The following SERPINB9 variants were observed in gnomAD, a reference collection of about 807,000 sequenced individuals.
SERPINB9 encodes serpin family B member 9, also known as serpin B9.
SERPINB9 carries 20 observed loss-of-function variants against 27.2 expected under a neutral mutation model. The ratio of observed to expected loss-of-function variants is 0.74; its 90% CI spans 0.52 to 1.07. The LOEUF is 1.07. Ranked by LOEUF, SERPINB9 falls within the 50% of genes least tolerant of loss-of-function variation. The probability of loss-of-function intolerance (pLI) is 0.00; values close to 1 mark genes in which losing one functional copy is unlikely to be tolerated. For missense variants in SERPINB9, 476 were observed against 460.1 expected (o/e 1.03, Z -0.32); for synonymous variants, 189 against 180.0 (o/e 1.05, Z -0.40).
At position 2,898,444 on chromosome 6, in the gene SERPINB9, G is replaced by A. The variant is rs77172708; in HGVS notation, c.168+2000C>T. Among the ~76,000 whole-genome samples, 56 of 152,246 alleles carry A rather than the reference G, an allele frequency of 3.7e-4. 2 individuals carry two copies. In the East Asian group the frequency reaches 0.01, roughly 28 times the overall value. The stretch of plus-strand genomic sequence containing the variant: ...CTTGCTTTACATGGACTGTCTCACC[G>A]AATCCTCACATTAGCTGAAAAATCA... On this transcript the variant is annotated intron_variant, in intron 2 of 6. Coordinates refer to ENST00000380698, the MANE Select transcript of SERPINB9 (RefSeq NM_004155.6).
intron 1 of SERPINB9, among the ~76,000 whole-genome samples, chr6:2,902,232 C>G (rs1384615178): frequency 6.6e-6 from 1 of 152,184 alleles, no homozygotes; most frequent in Non-Finnish European, 1.5e-5. Context: ...TCAAACACCG[C>G]GGCCCGGAGG....
chr6:2,893,049 A>C (rs1310099125), intron 5 of SERPINB9, among the ~76,000 whole-genome samples: 3 of 119,516 alleles, frequency 2.5e-5, no homozygotes, highest in South Asian at 2.5e-4. Context: ...ACACTACCTT[A>C]ACACTTTTTT....
Position 2,900,460 on chromosome 6 carries a change from G to A in SERPINB9, c.152C>T (p.Ala51Val). ...CAAGCTTACCTGGGCCATCTGGGTTGCGGTGTTTCCCTTTGCCCCTAGGAG... is the reference window on the plus strand; with the variant it reads ...CAAGCTTACCTGGGCCATCTGGGTTACGGTGTTTCCCTTTGCCCCTAGGAG... ...MVLLGAKGNT[A>V]TQMAQALSLN... The change falls in exon 2 of 7, where the codon GCA (alanine) becomes GTA (valine). Residue 51 changes from alanine (A) to valine (V), a missense_variant. Ala to Val is a moderately conservative substitution (Grantham distance 64). Transcript: ENST00000380698. 1 of 1,614,100 alleles carries A rather than the reference G, an allele frequency of 6.2e-7. No individual in the cohort carries two copies. The highest frequency in any genetic ancestry group is 8.5e-7 in the Non-Finnish European group (1 of 1,180,006).
chr6:2,898,555 C>A (rs759467557), intron 2 of SERPINB9, among the ~76,000 whole-genome samples: 1 of 152,210 alleles, frequency 6.6e-6, no homozygotes, highest in Non-Finnish European at 1.5e-5. Flanking sequence ...CAGTGGCTCA[C>A]GCCTGTAATC....
rs1767679723 is a variant in SERPINB9, at chr6:2,888,841, T to A, written c.*1322A>T. 6.6e-6 allele frequency: 1 copy of A among 151,846 alleles called. No homozygotes were observed. Among genetic ancestry groups the A allele is most frequent in the Admixed American group, 6.6e-5 (1 of 15,250 alleles). 9.4% of individuals were successfully genotyped at this position (151,846 alleles called of 1,614,324 possible). ...AGTTAATTTTATGTTATGTGAAGTT[T>A]ACCTCAATAAAAAAATTCTTAAAAA... On this transcript the variant is annotated 3_prime_UTR_variant, in exon 7 of 7. Coordinates refer to ENST00000380698, the MANE Select transcript of SERPINB9 (RefSeq NM_004155.6).
Position 2,896,037 on chromosome 6 carries a change from T to C in SERPINB9, c.306+16A>G, listed in dbSNP as rs1192913995. The C allele has an allele frequency of 5.6e-6, 9 of 1,609,424 alleles. No individual in the cohort carries two copies. In the Admixed American group the frequency reaches 1.2e-4, roughly 21 times the overall value. ...ATGTTGAATGCAACTTTTATTGTTCTATTGATTCAACTTACTGAGAGGAAC... is the reference window on the plus strand; with the variant it reads ...ATGTTGAATGCAACTTTTATTGTTCCATTGATTCAACTTACTGAGAGGAAC... On this transcript the variant is annotated intron_variant, in intron 3 of 6. Coordinates refer to ENST00000380698, the MANE Select transcript of SERPINB9 (RefSeq NM_004155.6).
In SERPINB9 at chr6:2,895,422, G is replaced by A. The variant is rs766939233; in HGVS notation, c.393C>T (p.His131=). 8 of 1,613,070 alleles carry A rather than the reference G, an allele frequency of 5.0e-6. No homozygotes were observed. Among genetic ancestry groups the A allele is most frequent in the African/African-American group, 1.3e-5 (1 of 74,926 alleles). Residue 131 remains histidine, a synonymous_variant, in exon 4 of 7, where the codon CAC becomes CAT. Coordinates refer to ENST00000380698, the MANE Select transcript of SERPINB9 (RefSeq NM_004155.6). ...FIRAAEESRK[H]INTWVSKKTE... ...TCTTTTTTGAGACCCAGGTGTTGAT[G>A]TGTTTCCTGGACTCTTCTGCAGCTC...
chr6:2,900,365 T>C, intron 2 of SERPINB9, 79 bp downstream of exon 2: 1 of 1,540,310 alleles, frequency 6.5e-7, no homozygotes. Context: ...TCTCAGTGGC[T>C]CTGGAGTGTG....
At position 2,890,044 on chromosome 6, in the gene SERPINB9, GGTAAAGAA is replaced by G; in HGVS notation, c.*111_*118del. ...TGCTGGCAAATCATGAGGGCAGACA[GGTAAAGAA>G]TCTGCCCTCATCTTTGCACTTGGCT... is the stretch of plus-strand genomic sequence containing the variant. On this transcript the variant is annotated 3_prime_UTR_variant, in exon 7 of 7. Coordinates refer to ENST00000380698, the MANE Select transcript of SERPINB9 (RefSeq NM_004155.6). This position sits in a 1 kb window ranked among gnomAD's most constrained non-coding sequence, Gnocchi z 6.2. The G allele has an allele frequency of 6.7e-6, 6 of 889,454 alleles. No homozygotes were observed. The highest frequency in any genetic ancestry group is 1.8e-5 in the South Asian group (1 of 55,234). The allele number at this position is 889,454 out of a possible 1,614,324, so 55.1% of individuals were successfully genotyped here.
intron 2 of SERPINB9, 136 bp from the exon 3 acceptor site, chr6:2,896,326 A>C: frequency 3.1e-6 from 2 of 640,460 alleles, no homozygotes. Flanking sequence ...TTTAAAGATC[A>C]GTAACACACA....
chr6:2,901,546 C>A (rs1484460518), intron 1 of SERPINB9, among the ~76,000 whole-genome samples: 4 of 152,134 alleles, frequency 2.6e-5, no homozygotes, highest in African/African-American at 9.7e-5. Context: ...GGAGGTGGTG[C>A]CTGTGAAGCC....
rs1451646769 is a variant in SERPINB9 at position 2,894,189 on chromosome 6, G to A, written c.425-636C>T. 6.6e-6 allele frequency among the ~76,000 whole-genome samples: 1 copy of A among 152,142 alleles called. No homozygotes were observed. Among genetic ancestry groups the A allele is most frequent in the Non-Finnish European group, 1.5e-5 (1 of 68,034 alleles). On this transcript the variant is annotated intron_variant, in intron 4 of 6. Coordinates refer to ENST00000380698, the MANE Select transcript of SERPINB9 (RefSeq NM_004155.6). This position sits in a 1 kb window ranked among gnomAD's most constrained non-coding sequence, Gnocchi z 4.7. Reference sequence around the variant, plus strand: ...AACCCACTGCCTGAAGAGAGCATCCGTGGTAAATACTCCAAGCAGGAATGC... The same window carrying A: ...AACCCACTGCCTGAAGAGAGCATCCATGGTAAATACTCCAAGCAGGAATGC...
chr6:2,893,394 TA>T lies in SERPINB9; in HGVS notation c.567+16del. On this transcript the variant is annotated intron_variant, in intron 5 of 6. Transcript: ENST00000380698. ...CTTCTTCATCAAACTAGCAGGATTT[TA>T]AAAAGCTTCCCCCACCTGGTTTATT... 1 of 1,593,352 alleles carries T rather than the reference TA, an allele frequency of 6.3e-7. No homozygotes were observed. The highest frequency in any genetic ancestry group is 1.7e-5 in the Admixed American group (1 of 57,624).
At position 2,890,058 on chromosome 6, in the gene SERPINB9, C is replaced by T; in HGVS notation, c.*105G>A. 8.9e-7 allele frequency: 1 copy of T among 1,125,478 alleles called. No individual in the cohort carries two copies. The highest frequency in any genetic ancestry group is 1.6e-5 in the South Asian group (1 of 63,422). The allele number at this position is 1,125,478 out of a possible 1,614,324, so 69.7% of individuals were successfully genotyped here. The stretch of plus-strand genomic sequence containing the variant: ...GAGGGCAGACAGGTAAAGAATCTGC[C>T]CTCATCTTTGCACTTGGCTTTCTAG... On this transcript the variant is annotated 3_prime_UTR_variant, in exon 7 of 7. Coordinates refer to ENST00000380698, the MANE Select transcript of SERPINB9 (RefSeq NM_004155.6). This position sits in a 1 kb window ranked among gnomAD's most constrained non-coding sequence, Gnocchi z 6.2.
At chr6:2,901,780 G>C (rs114055001) in intron 1 of SERPINB9, among the ~76,000 whole-genome samples, 3,399 of 151,280 alleles carry the variant, frequency 0.022, 59 homozygotes, top group Non-Finnish European at 0.032. Context: ...TTCCCACTTC[G>C]GATTCTGTGC....
chr6:2,891,000 G>C lies in SERPINB9; in HGVS notation c.724-430C>G, dbSNP rs1321480810. Reference sequence around the variant, plus strand: ...GATTATCTGTCCCAGGTGAGATTCTGCATAGTTTCCGGAGCAGAGAGGTTA... The same window carrying C: ...GATTATCTGTCCCAGGTGAGATTCTCCATAGTTTCCGGAGCAGAGAGGTTA... On this transcript the variant is annotated intron_variant, in intron 6 of 6. Transcript: ENST00000380698. The surrounding 1 kb of genome is among the most constrained non-coding windows in gnomAD (Gnocchi z 6.2). 4.6e-5 allele frequency among the ~76,000 whole-genome samples: 7 copies of C among 152,202 alleles called. No individual in the cohort carries two copies. Among genetic ancestry groups the C allele is most frequent in the Admixed American group, 3.3e-4 (5 of 15,286 alleles).
Position 2,890,182 on chromosome 6 carries a change from C to G in SERPINB9, c.1112G>C (p.Gly371Ala). 1 of 1,613,768 alleles carries G rather than the reference C, an allele frequency of 6.2e-7. No individual in the cohort carries two copies. The highest frequency in any genetic ancestry group is 1.7e-4 in the Middle Eastern group (1 of 6,044). ...CACCCTTTATGGCGATGAGAACCTG[C>G]CACAGAACAGAATGCTGTTGGCTCT... ...HNRANSILFC[G>A]RFSSP is the part of the protein sequence containing the mutation. The change falls in exon 7 of 7, where the codon GGC becomes GCC. Residue 371 changes from glycine to alanine, a missense_variant. Gly to Ala is a moderately conservative substitution (Grantham distance 60). Coordinates refer to ENST00000380698, the MANE Select transcript of SERPINB9 (RefSeq NM_004155.6). The surrounding 1 kb of genome is among the most constrained non-coding windows in gnomAD (Gnocchi z 6.2).
chr6:2,895,073 A>T (rs1043940734), intron 4 of SERPINB9, among the ~76,000 whole-genome samples: 1 of 152,170 alleles, frequency 6.6e-6, no homozygotes, highest in Admixed American at 6.5e-5. Context: ...TGACATTTGT[A>T]TCAGCTACTC....
intron 2 of SERPINB9, among the ~76,000 whole-genome samples, chr6:2,897,271 G>A (rs761461858): frequency 6.6e-6 from 1 of 152,170 alleles, no homozygotes; most frequent in African/African-American, 2.4e-5. Flanking sequence ...TTCAAGACCA[G>A]CCTGGCCAAG....
Sources: allele counts gnomAD v4.1 joint callset (sites outside exome capture counted in the v4.1 genomes callset), GRCh38; gene constraint gnomAD v4.1.1; non-coding constraint Gnocchi (gnomAD v3.1); transcripts MANE v1.5; gene names NCBI Gene and HGNC (gene_info 2026-07-23, HGNC 2026-07-21).